DST: variants seen among roughly 807,000 people sequenced by gnomAD.
The protein encoded by DST is bullous pemphigoid antigen.
A neutral mutation model predicts 875.2 loss-of-function variants in DST; 253 were observed. That is an observed-to-expected ratio of 0.29 (90% CI 0.26 to 0.32). DST has a LOEUF of 0.32. Among genes scored for constraint, DST ranks in the 10% least tolerant of loss-of-function variants. DST has a pLI of 1.00. For synonymous variants in DST, 3,124 were observed against 3,197.1 expected, an observed-to-expected ratio of 0.98 and a Z score of 0.77; for missense variants, 8,287 against 9,111.6, an observed-to-expected ratio of 0.91 and a Z score of 3.68.
At chr6:56,895,095 T>A (rs1228241672) in intron 3 of DST, among the ~76,000 whole-genome samples, 1 of 77,718 alleles carries the variant, frequency 1.3e-5, no homozygotes, top group African/African-American at 7.5e-5. Flanking sequence ...CACTTCCCAG[T>A]AGGGGCGGCC....
intron 49 of DST, among the ~76,000 whole-genome samples, chr6:56,579,582 A>G (rs2097927398): frequency 6.6e-6 from 1 of 152,156 alleles, no homozygotes; most frequent in Non-Finnish European, 1.5e-5. Flanking sequence ...TGGGAGGGAA[A>G]TGAGGGCCAC....
At chr6:56,615,441 C>A (rs987939215) in intron 36 of DST, 1 of 1,604,124 alleles carries the variant, frequency 6.2e-7, no homozygotes, top group Non-Finnish European at 8.5e-7. Flanking sequence ...CATATGTAGC[C>A]GATATCATCA....
intron 10 of DST, among the ~76,000 whole-genome samples, chr6:56,654,757 G>C (rs946178910): frequency 4.6e-5 from 7 of 151,970 alleles, no homozygotes; most frequent in African/African-American, 1.7e-4. Context: ...TTTTGGCATA[G>C]ATACCTCCAA....
rs142598523 is a variant in DST at position 56,801,718 on chromosome 6, C to T, written c.625+49679G>A. Among the ~76,000 whole-genome samples the T allele has an allele frequency of 1.2e-3, 173 of 149,762 alleles. 1 individual carries two copies. The highest frequency in any genetic ancestry group is 3.4e-3 in the Middle Eastern group (1 of 292). On this transcript the variant is annotated intron_variant, in intron 4 of 103. Transcript: ENST00000680361. ...GATAATATAAAATGTATTTAATGTT[C>T]TAATCTTACTAATACAAGTCACACA...
intron 50 of DST, among the ~76,000 whole-genome samples, 193 bp downstream of exon 50, chr6:56,578,621 G>A (rs961578495): frequency 6.6e-6 from 1 of 152,030 alleles, no homozygotes; most frequent in Non-Finnish European, 1.5e-5. Flanking sequence ...AAGACACATA[G>A]CCCCCGCCTC....
chr6:56,598,759 A>AG (rs2098415897), intron 45 of DST, 50 bp from the exon 46 acceptor site: 1 of 1,141,814 alleles, frequency 8.8e-7, no homozygotes. Flanking sequence ...TTACCTATTT[A>AG]GTTCTTCCAG....
chr6:56,924,840 G>A (rs745738989), intron 2 of DST, among the ~76,000 whole-genome samples: 1 of 152,122 alleles, frequency 6.6e-6, no homozygotes, highest in African/African-American at 2.4e-5. Context: ...CAGTGCAGGA[G>A]AGATCTCTCA....
chr6:56,620,894 G>A (rs1471260015), intron 36 of DST, among the ~76,000 whole-genome samples: 3 of 152,042 alleles, frequency 2.0e-5, no homozygotes, highest in Non-Finnish European at 2.9e-5. Flanking sequence ...GTCAGCAGAA[G>A]AGGACAAAAA....
At chr6:56,518,564 TAATGAA>T (rs2096638930) in intron 69 of DST, among the ~76,000 whole-genome samples, 1 of 152,234 alleles carries the variant, frequency 6.6e-6, no homozygotes, top group Non-Finnish European at 1.5e-5. Flanking sequence ...AACAACCCTA[TAATGAA>T]TATATTTGTA....
intron 10 of DST, among the ~76,000 whole-genome samples, chr6:56,662,703 G>T (rs1411652549): frequency 6.6e-6 from 1 of 152,178 alleles, no homozygotes; most frequent in African/African-American, 2.4e-5. Context: ...ACTTTGGGAG[G>T]CCAAGGCAGG....
intron 3 of DST, among the ~76,000 whole-genome samples, chr6:56,884,938 G>C (rs1783961265): frequency 6.6e-6 from 1 of 152,238 alleles, no homozygotes; most frequent in Admixed American, 6.5e-5. Flanking sequence ...CACCATGTTA[G>C]CCAGGATGGT....
At chr6:56,697,621 A>G (rs906400612) in intron 9 of DST, among the ~76,000 whole-genome samples, 1 of 152,204 alleles carries the variant, frequency 6.6e-6, no homozygotes, top group African/African-American at 2.4e-5. Flanking sequence ...TAAGTAAAAG[A>G]GCCAAGAACG....
At chr6:56,678,080 C>A (rs187816040) in intron 9 of DST, among the ~76,000 whole-genome samples, 2 of 152,302 alleles carry the variant, frequency 1.3e-5, no homozygotes, top group South Asian at 4.1e-4. Flanking sequence ...CAAAAAAAAT[C>A]ATTTTTACAT....
intron 2 of DST, among the ~76,000 whole-genome samples, chr6:56,947,744 A>C (rs914492126): frequency 6.6e-6 from 1 of 152,188 alleles, no homozygotes; most frequent in Non-Finnish European, 1.5e-5. Flanking sequence ...ACTGGTGTAC[A>C]CCAAGCTCTG....
intron 9 of DST, chr6:56,692,390 C>T (rs905865839): frequency 1.6e-6 from 2 of 1,267,374 alleles, no homozygotes; most frequent in African/African-American, 3.1e-5. Context: ...TCACTTACCT[C>T]ATTTCCATCT....
At chr6:56,529,318 T>C (rs1393251599) in intron 66 of DST, 130 bp downstream of exon 66, 2 of 778,824 alleles carry the variant, frequency 2.6e-6, no homozygotes, top group African/African-American at 3.5e-5. Flanking sequence ...GTAATCTGTA[T>C]AAACAGTCTT....
chr6:56,517,352 T>G, intron 70 of DST, 47 bp from the exon 71 acceptor site: 1 of 1,591,816 alleles, frequency 6.3e-7, no homozygotes, highest in Non-Finnish European at 8.6e-7. Context: ...AGAAATTGTA[T>G]GACTAAAATG....
At chr6:56,625,387 A>G in intron 34 of DST, 123 bp from the exon 35 acceptor site, 1 of 696,774 alleles carries the variant, frequency 1.4e-6, no homozygotes, top group Non-Finnish European at 2.6e-6. Context: ...GATTTGACAC[A>G]GATCATTAGA....
intron 4 of DST, among the ~76,000 whole-genome samples, chr6:56,750,854 C>A (rs2099584780): frequency 6.6e-6 from 1 of 152,124 alleles, no homozygotes; most frequent in African/African-American, 2.4e-5. Flanking sequence ...TGAGCAAAAG[C>A]TTTAAAAGTG....
Sources: allele counts gnomAD v4.1 joint callset (sites outside exome capture counted in the v4.1 genomes callset), GRCh38; gene constraint gnomAD v4.1.1; transcripts MANE v1.5; gene names NCBI Gene and HGNC (gene_info 2026-07-23, HGNC 2026-07-21).